EHMT1: variants seen among roughly 807,000 people sequenced by gnomAD.
The protein encoded by EHMT1 is euchromatic histone lysine methyltransferase 1.
Under a neutral mutation model 147.2 loss-of-function variants are expected in EHMT1, and 15 were observed. The ratio of observed to expected loss-of-function variants is 0.10; its 90% CI spans 0.07 to 0.16. The LOEUF (loss-of-function observed/expected upper bound fraction) is 0.16. EHMT1 is among the 10% of genes least tolerant of loss of function. The probability of loss-of-function intolerance (pLI) is 1.00; values close to 1 mark genes in which losing one functional copy is unlikely to be tolerated. For synonymous variants in EHMT1, 795 were observed against 709.6 expected, an observed-to-expected ratio of 1.12 and a Z score of -1.91; for missense variants, 1,587 against 1,772.4, an observed-to-expected ratio of 0.90 and a Z score of 1.88.
At chr9:137,759,543 G>A (rs1949644647) in intron 9 of EHMT1, among the ~76,000 whole-genome samples, 1 of 152,224 alleles carries the variant, frequency 6.6e-6, no homozygotes, top group South Asian at 2.1e-4. Flanking sequence ...CCGAGCATCA[G>A]GGCCAAAGGG....
chr9:137,663,637 C>T (rs1427490816), intron 1 of EHMT1, among the ~76,000 whole-genome samples: 1 of 152,246 alleles, frequency 6.6e-6, no homozygotes, highest in African/African-American at 2.4e-5. Flanking sequence ...TGTTTGTGCA[C>T]ATACCAGCAT....
At chr9:137,803,637 C>A (rs910342441) in intron 18 of EHMT1, among the ~76,000 whole-genome samples, 3 of 151,954 alleles carry the variant, frequency 2.0e-5, no homozygotes, top group Non-Finnish European at 4.4e-5. Context: ...TTGATTAAAC[C>A]CCTGGGAGTA....
intron 8 of EHMT1, among the ~76,000 whole-genome samples, chr9:137,757,649 T>TC (rs1413040127): frequency 1.3e-5 from 2 of 152,124 alleles, no homozygotes; most frequent in Non-Finnish European, 2.9e-5. Flanking sequence ...GCTTCTCTCC[T>TC]CCCCCATGAA....
chr9:137,736,523 C>T (rs1168846505), intron 4 of EHMT1, among the ~76,000 whole-genome samples: 1 of 152,242 alleles, frequency 6.6e-6, no homozygotes, highest in African/African-American at 2.4e-5. Context: ...ACACTCTTCT[C>T]AAGTGCACCT....
chr9:137,724,628 A>G (rs1411323775), intron 3 of EHMT1, among the ~76,000 whole-genome samples: 2 of 152,168 alleles, frequency 1.3e-5, no homozygotes, highest in Non-Finnish European at 2.9e-5. Context: ...ATCAATATGT[A>G]CTTTGAAAGC....
intron 6 of EHMT1, among the ~76,000 whole-genome samples, chr9:137,750,660 T>G (rs1000594150): frequency 4.6e-5 from 7 of 152,354 alleles, no homozygotes; most frequent in African/African-American, 1.7e-4. Flanking sequence ...GACTTTTGTG[T>G]AACTGCTGGT....
rs367957989 is a variant in EHMT1, at chr9:137,811,926, G to C, written c.2867+311G>C. ...TGGGAACAGCCCTGCTCCCAGCAGGGACCTGCCAGCTCAGAGTCCCCGAGA... is the reference window on the plus strand; with the variant it reads ...TGGGAACAGCCCTGCTCCCAGCAGGCACCTGCCAGCTCAGAGTCCCCGAGA... On this transcript the variant is annotated intron_variant, in intron 19 of 26. Coordinates refer to ENST00000460843, the MANE Select transcript of EHMT1 (RefSeq NM_024757.5). Among the ~76,000 whole-genome samples, 541 of 152,350 alleles carry C rather than the reference G, an allele frequency of 3.6e-3. 4 individuals are homozygous for C. Among genetic ancestry groups the C allele is most frequent in the Middle Eastern group, 0.034 (10 of 294 alleles).
chr9:137,665,836 T>TG (rs1176785672), intron 1 of EHMT1: 2 of 152,220 alleles, frequency 1.3e-5, no homozygotes, highest in Non-Finnish European at 2.9e-5. Flanking sequence ...CGAGGAGGCC[T>TG]GGAGGTGCCT....
chr9:137,673,271 C>T (rs1264171475), intron 1 of EHMT1, among the ~76,000 whole-genome samples: 1 of 152,110 alleles, frequency 6.6e-6, no homozygotes, highest in Non-Finnish European at 1.5e-5. Context: ...TGGACCAAGT[C>T]CCCAGGGGTT....
intron 6 of EHMT1, among the ~76,000 whole-genome samples, chr9:137,745,097 T>C (rs1026624011): frequency 1.3e-5 from 2 of 152,246 alleles, no homozygotes; most frequent in Non-Finnish European, 2.9e-5. Flanking sequence ...TAAGAAGTTA[T>C]TCCAAAACTA....
chr9:137,621,779 G>C (rs990113291), intron 1 of EHMT1, among the ~76,000 whole-genome samples: 3 of 152,004 alleles, frequency 2.0e-5, no homozygotes, highest in South Asian at 4.1e-4. Flanking sequence ...TCAGCAAAAC[G>C]TCACCTTCCA....
intron 1 of EHMT1, among the ~76,000 whole-genome samples, chr9:137,631,183 G>A (rs1843603817): frequency 6.6e-6 from 1 of 152,082 alleles, no homozygotes; most frequent in South Asian, 2.1e-4. Context: ...GACGTCAGAA[G>A]TTCAAGAGCA....
chr9:137,834,678 G>C (rs980657369), intron 26 of EHMT1, 95 bp from the exon 27 acceptor site: 1 of 1,601,762 alleles, frequency 6.2e-7, no homozygotes. Context: ...ACGGCAGATC[G>C]GGGTGAGGAA....
chr9:137,795,451 A>G (rs1236472385), intron 16 of EHMT1, among the ~76,000 whole-genome samples: 2 of 135,790 alleles, frequency 1.5e-5, no homozygotes, highest in Non-Finnish European at 3.4e-5. Context: ...ATACACACAC[A>G]GACACACACA....
intron 3 of EHMT1, among the ~76,000 whole-genome samples, chr9:137,724,177 CTG>C (rs1057388297): frequency 2.0e-5 from 3 of 152,208 alleles, no homozygotes; most frequent in Middle Eastern, 3.2e-3. Context: ...GAGGTGGTGC[CTG>C]TTGGTCTGCA....
At chr9:137,777,196 A>G (rs1298098874) in intron 12 of EHMT1, 1 of 308,070 alleles carries the variant, frequency 3.2e-6, no homozygotes, top group Non-Finnish European at 6.2e-6. Context: ...CTGTGGTATT[A>G]AGGTTTGAAG....
At chr9:137,788,157 TC>T in intron 15 of EHMT1, 1 of 837,746 alleles carries the variant, frequency 1.2e-6, no homozygotes, top group Non-Finnish European at 1.8e-6. Context: ...CACTGCCTTC[TC>T]CCCACTGCAC....
At chr9:137,802,900 A>G in intron 18 of EHMT1, 1 of 1,232,486 alleles carries the variant, frequency 8.1e-7, no homozygotes, top group East Asian at 3.2e-5. Context: ...CGGCAGAAGG[A>G]AGAGAAGAGG....
In EHMT1 at chr9:137,787,895, A is replaced by G; in HGVS notation, c.2383-2953A>G. ...GTGGGGGTGCCAAGGGCATTACCAC[A>G]TTGGGAGTGTAGATTGGCAAGTAGG... On this transcript the variant is annotated intron_variant, in intron 15 of 26. Coordinates refer to ENST00000460843, the MANE Select transcript of EHMT1 (RefSeq NM_024757.5). The surrounding 1 kb of genome is among the most constrained non-coding windows in gnomAD (Gnocchi z 4.2). 2 of 1,411,840 alleles carry G rather than the reference A, an allele frequency of 1.4e-6. No homozygotes were observed. The highest frequency in any genetic ancestry group is 1.7e-5 in the Admixed American group (1 of 59,474). The allele number at this position is 1,411,840 out of a possible 1,614,324, so 87.5% of individuals were successfully genotyped here.
Sources: allele counts gnomAD v4.1 joint callset (sites outside exome capture counted in the v4.1 genomes callset), GRCh38; gene constraint gnomAD v4.1.1; non-coding constraint Gnocchi (gnomAD v3.1); transcripts MANE v1.5; gene names NCBI Gene and HGNC (gene_info 2026-07-23, HGNC 2026-07-21).